Variants in ITPR2 observed in about 807,000 individuals in gnomAD.
ITPR2 encodes the protein inositol 1,4,5-trisphosphate-gated calcium channel ITPR2.
ITPR2 carries 207 observed loss-of-function variants against 317.1 expected under a neutral mutation model. The observed-to-expected ratio is 0.65, with a 90% CI of 0.58 to 0.73. The LOEUF is 0.73. Among genes scored for constraint, ITPR2 ranks in the 30% least tolerant of loss-of-function variants. The probability of loss-of-function intolerance (pLI) is 0.00; values close to 1 mark genes in which losing one functional copy is unlikely to be tolerated. For missense variants in ITPR2, 2,613 were observed against 3,284.0 expected, an observed-to-expected ratio of 0.80 and a Z score of 4.99; for synonymous variants, 1,156 against 1,149.1, an observed-to-expected ratio of 1.01 and a Z score of -0.12.
At chr12:26,646,517 T>G (rs1947117650) in intron 21 of ITPR2, among the ~76,000 whole-genome samples, 1 of 152,174 alleles carries the variant, frequency 6.6e-6, no homozygotes. Context: ...GACATCCTCT[T>G]ACTTTGTTCC....
intron 36 of ITPR2, 124 bp downstream of exon 36, chr12:26,556,109 T>C (rs1231661678): frequency 2.5e-6 from 2 of 788,452 alleles, no homozygotes; most frequent in Non-Finnish European, 3.8e-6. Flanking sequence ...TATTTTAACA[T>C]GGATTTTAGA....
intron 20 of ITPR2, among the ~76,000 whole-genome samples, chr12:26,654,553 A>G (rs1368029199): frequency 6.6e-6 from 1 of 152,184 alleles, no homozygotes; most frequent in Non-Finnish European, 1.5e-5. Context: ...TCCAAGTGCG[A>G]GAGTCTACCT....
At chr12:26,427,847 TA>T in intron 49 of ITPR2, 65 bp downstream of exon 49, 1 of 1,060,624 alleles carries the variant, frequency 9.4e-7, no homozygotes, top group African/African-American at 1.7e-5. Flanking sequence ...CTTATAGTTA[TA>T]TTTTTATATT....
At chr12:26,363,684 G>A (rs529723086) in intron 55 of ITPR2, among the ~76,000 whole-genome samples, 1 of 152,124 alleles carries the variant, frequency 6.6e-6, no homozygotes, top group South Asian at 2.1e-4. Context: ...CGGATTGATA[G>A]GTGCAGCAAA....
At chr12:26,443,729 C>T in intron 45 of ITPR2, 79 bp from the exon 46 acceptor site, 2 of 1,010,998 alleles carry the variant, frequency 2.0e-6, no homozygotes, top group Admixed American at 2.0e-5. Flanking sequence ...TCTTTGTCTA[C>T]TTGTACACAT....
intron 54 of ITPR2, among the ~76,000 whole-genome samples, chr12:26,393,613 T>C (rs971305210): frequency 6.6e-6 from 1 of 152,258 alleles, no homozygotes; most frequent in Non-Finnish European, 1.5e-5. Context: ...TGTTCTATTT[T>C]ACAATATTCT....
intron 2 of ITPR2, among the ~76,000 whole-genome samples, chr12:26,771,281 G>A (rs57539086): frequency 0.035 from 5,255 of 152,096 alleles, 141 homozygotes; most frequent in African/African-American, 0.084. Flanking sequence ...AAAATTCCAG[G>A]AGCCCTCCTG....
chr12:26,655,471 G>A (rs538720148), intron 20 of ITPR2, among the ~76,000 whole-genome samples: 92 of 151,890 alleles, frequency 6.1e-4, no homozygotes, highest in South Asian at 3.7e-3. Flanking sequence ...AAAATTAGCC[G>A]GGCGTGGTGG....
intron 2 of ITPR2, among the ~76,000 whole-genome samples, chr12:26,778,557 C>A (rs1950020087): frequency 6.6e-6 from 1 of 152,230 alleles, no homozygotes; most frequent in Non-Finnish European, 1.5e-5. Context: ...CCACCAGAAG[C>A]AATTTGCCTT....
At chr12:26,543,295 C>T (rs1048479640) in intron 37 of ITPR2, among the ~76,000 whole-genome samples, 25 of 151,892 alleles carry the variant, frequency 1.6e-4, no homozygotes, top group Admixed American at 3.9e-4. Context: ...ATACACAGAA[C>T]GAAGGCACAG....
At chr12:26,395,721 C>T (rs1565503281) in intron 54 of ITPR2, among the ~76,000 whole-genome samples, 6 of 152,216 alleles carry the variant, frequency 3.9e-5, no homozygotes, top group Admixed American at 2.6e-4. Flanking sequence ...CCCCATAACG[C>T]TATACCCTTC....
At chr12:26,375,738 G>T (rs1247770404) in intron 55 of ITPR2, among the ~76,000 whole-genome samples, 2 of 152,150 alleles carry the variant, frequency 1.3e-5, no homozygotes, top group Non-Finnish European at 2.9e-5. Flanking sequence ...GTATACTCCA[G>T]CAACTTACAA....
intron 4 of ITPR2, 76 bp from the exon 5 acceptor site, chr12:26,722,631 TGTATC>T: frequency 8.9e-7 from 1 of 1,121,680 alleles, no homozygotes; most frequent in Non-Finnish European, 1.3e-6. Flanking sequence ...GTTTTATACA[TGTATC>T]ATATATTCAT....
chr12:26,684,171 A>G (rs571949329), intron 11 of ITPR2, among the ~76,000 whole-genome samples: 20 of 152,386 alleles, frequency 1.3e-4, no homozygotes, highest in Non-Finnish European at 4.4e-5. Flanking sequence ...GCATTGAATT[A>G]CACAGGAGAT....
chr12:26,620,200 C>T (rs1300124109), intron 26 of ITPR2, among the ~76,000 whole-genome samples: 1 of 152,232 alleles, frequency 6.6e-6, no homozygotes, highest in African/African-American at 2.4e-5. Context: ...AAATAAAGGG[C>T]ATCTACTTGT....
chr12:26,510,541 A>C (rs566854326), intron 37 of ITPR2, among the ~76,000 whole-genome samples: 1 of 152,182 alleles, frequency 6.6e-6, no homozygotes. Context: ...CATGTCCCCA[A>C]ATCACTTCCA....
chr12:26,628,167 A>G lies in ITPR2; in HGVS notation c.2935-5T>C, dbSNP rs1946666821. ...CAGTCTGACACTCAGGATAAACTAT[A>G]AGAAACATTAAGAACAACATAAATT... On this transcript the variant is annotated splice_region_variant and splice_polypyrimidine_tract_variant and intron_variant, in intron 22 of 56. Coordinates refer to ENST00000381340, the MANE Select transcript of ITPR2 (RefSeq NM_002223.4). The G allele has an allele frequency of 6.3e-7, 1 of 1,580,080 alleles. No individual in the cohort carries two copies. Among genetic ancestry groups the G allele is most frequent in the Non-Finnish European group, 8.6e-7 (1 of 1,161,754 alleles).
At chr12:26,658,431 A>C (rs1010183344) in intron 16 of ITPR2, among the ~76,000 whole-genome samples, 1 of 152,228 alleles carries the variant, frequency 6.6e-6, no homozygotes, top group African/African-American at 2.4e-5. Flanking sequence ...TCTCCCCTAA[A>C]GTGAGTCTCC....
At chr12:26,683,133 G>A (rs969870698) in intron 11 of ITPR2, among the ~76,000 whole-genome samples, 2 of 152,216 alleles carry the variant, frequency 1.3e-5, no homozygotes, top group Non-Finnish European at 2.9e-5. Flanking sequence ...AAGTATTAAT[G>A]TACAATCAAT....
Sources: allele counts gnomAD v4.1 joint callset (sites outside exome capture counted in the v4.1 genomes callset), GRCh38; gene constraint gnomAD v4.1.1; transcripts MANE v1.5; gene names NCBI Gene and HGNC (gene_info 2026-07-23, HGNC 2026-07-21).